Variants in BABAM2 observed in about 807,000 individuals in gnomAD.
The protein encoded by BABAM2 is BRISC and BRCA1 A complex member 2.
A neutral mutation model predicts 54.7 loss-of-function variants in BABAM2; 31 were observed. That is an observed-to-expected ratio of 0.57 (90% CI 0.43 to 0.77). The LOEUF is 0.77. BABAM2 is among the 30% of genes least tolerant of loss of function. The pLI is 0.00. For synonymous variants in BABAM2, 167 were observed against 162.9 expected (o/e 1.03, Z -0.19); for missense variants, 364 against 455.8 (o/e 0.80, Z 1.83).
chr2:27,904,719 A>G (rs1045668689), intron 2 of BABAM2, among the ~76,000 whole-genome samples: 7 of 152,222 alleles, frequency 4.6e-5, no homozygotes, highest in African/African-American at 1.7e-4. Flanking sequence ...TCATGAAACT[A>G]TGACAATATG....
intron 3 of BABAM2, among the ~76,000 whole-genome samples, chr2:27,933,038 G>T (rs574338384): frequency 3.4e-4 from 52 of 152,270 alleles, no homozygotes; most frequent in Admixed American, 9.8e-4. Context: ...AGTGTGTGTG[G>T]TCAGTCCACA....
chr2:28,186,603 G>A (rs531173052), intron 7 of BABAM2, among the ~76,000 whole-genome samples: 7 of 151,952 alleles, frequency 4.6e-5, no homozygotes, highest in Admixed American at 1.3e-4. Context: ...AAGACACAGA[G>A]ACAGAGACAG....
At chr2:28,234,493 T>A (rs1241422973) in intron 7 of BABAM2, among the ~76,000 whole-genome samples, 1 of 152,224 alleles carries the variant, frequency 6.6e-6, no homozygotes, top group African/African-American at 2.4e-5. Context: ...ACTGTTTTCC[T>A]TCCATGTATA....
chr2:28,268,969 C>G (rs1573968777), intron 10 of BABAM2, among the ~76,000 whole-genome samples: 1 of 152,190 alleles, frequency 6.6e-6, no homozygotes, highest in East Asian at 1.9e-4. Context: ...TTACTAAACA[C>G]TATCCCTTTA....
chr2:27,964,899 C>T (rs1670728702), intron 3 of BABAM2, among the ~76,000 whole-genome samples: 1 of 152,172 alleles, frequency 6.6e-6, no homozygotes, highest in Non-Finnish European at 1.5e-5. Context: ...GATTTTCACT[C>T]TGCAGAGAGT....
rs969012087 is a variant in BABAM2 at position 28,318,023 on chromosome 2, C to T, written c.1088+19532C>T. On this transcript the variant is annotated intron_variant, in intron 11 of 11. Coordinates refer to ENST00000379624, the MANE Select transcript of BABAM2 (RefSeq NM_199191.3). The stretch of plus-strand genomic sequence containing the variant: ...TGGATAGATTTTAACTCCTGATTTT[C>T]CACCTGCTTTTTGGTCCTCTCTGGT... Among the ~76,000 whole-genome samples the T allele has an allele frequency of 8.5e-5, 13 of 152,334 alleles. 1 individual carries two copies. The highest frequency in any genetic ancestry group is 8.5e-4 in the Admixed American group (13 of 15,304).
At chr2:28,265,450 C>A (rs957660920) in intron 10 of BABAM2, among the ~76,000 whole-genome samples, 3 of 152,032 alleles carry the variant, frequency 2.0e-5, no homozygotes, top group African/African-American at 7.2e-5. Context: ...AAATAGGACA[C>A]AATTAAATCA....
intron 3 of BABAM2, among the ~76,000 whole-genome samples, chr2:27,954,353 G>A (rs773038297): frequency 6.6e-6 from 1 of 152,208 alleles, no homozygotes; most frequent in Non-Finnish European, 1.5e-5. Flanking sequence ...AGATTGCACC[G>A]TAGGAGTGCA....
chr2:27,911,707 A>G (rs1666612978), intron 2 of BABAM2, among the ~76,000 whole-genome samples: 1 of 151,930 alleles, frequency 6.6e-6, no homozygotes, highest in Non-Finnish European at 1.5e-5. Context: ...TAGTTCATCC[A>G]TTTCTCTCTC....
chr2:28,107,076 A>T (rs1667590171), intron 6 of BABAM2, among the ~76,000 whole-genome samples: 1 of 152,120 alleles, frequency 6.6e-6, no homozygotes, highest in Non-Finnish European at 1.5e-5. Context: ...TATAGGTTAC[A>T]CACATATATA....
intron 6 of BABAM2, among the ~76,000 whole-genome samples, chr2:28,057,077 C>T (rs181584210): frequency 6.6e-6 from 1 of 152,256 alleles, no homozygotes; most frequent in Admixed American, 6.5e-5. Flanking sequence ...TTGCACTTTC[C>T]AAATATGTCG....
intron 7 of BABAM2, among the ~76,000 whole-genome samples, chr2:28,235,772 A>G (rs1681851454): frequency 6.6e-6 from 1 of 151,986 alleles, no homozygotes; most frequent in Admixed American, 6.5e-5. Context: ...CTCCCACCTC[A>G]GTTTCCTGAG....
intron 7 of BABAM2, among the ~76,000 whole-genome samples, chr2:28,165,636 G>A (rs1485642499): frequency 7.0e-6 from 1 of 142,982 alleles, no homozygotes; most frequent in East Asian, 2.2e-4. Flanking sequence ...CTGGGTTCAA[G>A]GGATTCTCCT....
intron 7 of BABAM2, among the ~76,000 whole-genome samples, chr2:28,150,286 A>C (rs1232768084): frequency 6.6e-6 from 1 of 152,216 alleles, no homozygotes; most frequent in African/African-American, 2.4e-5. Context: ...GCCTTCTCTG[A>C]TTCCAAGTCT....
chr2:28,318,061 G>A (rs1280536793), intron 11 of BABAM2, among the ~76,000 whole-genome samples: 1 of 152,234 alleles, frequency 6.6e-6, no homozygotes, highest in East Asian at 1.9e-4. Flanking sequence ...AGTTGGACGT[G>A]TTAGTCAATC....
chr2:27,915,966 T>A (rs1349240370), intron 2 of BABAM2, among the ~76,000 whole-genome samples: 1 of 152,246 alleles, frequency 6.6e-6, no homozygotes, highest in African/African-American at 2.4e-5. Context: ...CATTCAAATT[T>A]ATTTTTTTAG....
At chr2:28,075,363 A>C (rs1436773643) in intron 6 of BABAM2, among the ~76,000 whole-genome samples, 1 of 152,164 alleles carries the variant, frequency 6.6e-6, no homozygotes, top group Non-Finnish European at 1.5e-5. Flanking sequence ...CAAATTAGTA[A>C]TAGAGCTGTA....
rs759252649 is a variant in BABAM2 at position 28,142,939 on chromosome 2, T to G, written c.680+13559T>G. Among the ~76,000 whole-genome samples the G allele has an allele frequency of 3.9e-5, 6 of 152,132 alleles. 1 individual carries two copies. Among genetic ancestry groups the G allele is most frequent in the African/African-American group, 7.2e-5 (3 of 41,438 alleles). ...CAGAATATTTGTGTGTAGATAGATA[T>G]TTTGGTGATTGGTCTTTGTTATTTC... On this transcript the variant is annotated intron_variant, in intron 7 of 11. Coordinates refer to ENST00000379624, the MANE Select transcript of BABAM2 (RefSeq NM_199191.3).
Position 28,262,759 on chromosome 2 carries a change from G to A in BABAM2, c.934+17897G>A, listed in dbSNP as rs72784774. Among the ~76,000 whole-genome samples the A allele has an allele frequency of 3.6e-3, 546 of 152,270 alleles. 1 individual carries two copies. The Middle Eastern group carries it at 0.058, about 16-fold the overall frequency. On this transcript the variant is annotated intron_variant, in intron 10 of 11. Transcript: ENST00000379624. ...CACATAGAACAAAGGTGTGGTGGAG[G>A]CTCTCACCAGCTTAACCTAGAGTCC...
Sources: gnomAD v4.1 joint callset for allele counts (sites outside exome capture counted in the v4.1 genomes callset) on GRCh38, gnomAD v4.1.1 for gene constraint, MANE v1.5 for transcripts, NCBI Gene and HGNC (gene_info 2026-07-23, HGNC 2026-07-21) for gene names.